Variants in DSCAM observed in about 807,000 individuals in gnomAD.
DSCAM encodes the protein cell adhesion molecule DSCAM.
In DSCAM, 47 loss-of-function variants were observed where a neutral mutation model predicts 217.7. That is an observed-to-expected ratio of 0.22 (90% confidence interval 0.17 to 0.28). The LOEUF is 0.28. Ranked by LOEUF, DSCAM falls within the 10% of genes least tolerant of loss-of-function variation. The pLI is 1.00. For synonymous variants in DSCAM, 1,056 were observed against 1,015.3 expected (o/e 1.04, Z -0.76); for missense variants, 2,080 against 2,618.3 (o/e 0.79, Z 4.49).
At chr21:40,157,805 C>T (rs2090495860) in intron 16 of DSCAM, among the ~76,000 whole-genome samples, 1 of 152,054 alleles carries the variant, frequency 6.6e-6, no homozygotes, top group South Asian at 2.1e-4. Context: ...AGTGATTCTC[C>T]CACTTCAGCC....
chr21:40,018,051 T>A (rs191625005), intron 32 of DSCAM, among the ~76,000 whole-genome samples: 1 of 152,352 alleles, frequency 6.6e-6, no homozygotes, highest in East Asian at 1.9e-4. Flanking sequence ...TTTTTAAAAC[T>A]TTATGAAACT....
At chr21:40,442,935 T>C (rs2145916537) in intron 3 of DSCAM, among the ~76,000 whole-genome samples, 1 of 152,334 alleles carries the variant, frequency 6.6e-6, no homozygotes, top group Middle Eastern at 3.4e-3. Context: ...TGTGTATGCA[T>C]GTGTGGATGG....
intron 3 of DSCAM, among the ~76,000 whole-genome samples, chr21:40,489,638 A>G (rs956952483): frequency 6.0e-5 from 9 of 150,066 alleles, no homozygotes; most frequent in Non-Finnish European, 8.9e-5. Flanking sequence ...AGCCGGGCGT[A>G]GTGGCAGGCG....
At chr21:40,077,475 C>T (rs1214794810) in intron 26 of DSCAM, among the ~76,000 whole-genome samples, 2 of 152,178 alleles carry the variant, frequency 1.3e-5, no homozygotes, top group East Asian at 1.9e-4. Context: ...TCTGTGGGTC[C>T]TTAGGTTCAC....
chr21:40,216,680 C>T (rs2091246478), intron 11 of DSCAM, among the ~76,000 whole-genome samples: 1 of 152,186 alleles, frequency 6.6e-6, no homozygotes, highest in African/African-American at 2.4e-5. Flanking sequence ...CATCATAGAG[C>T]AGATTTTGCA....
At position 40,140,005 on chromosome 21, in the gene DSCAM, T is replaced by C. The variant is rs539396251; in HGVS notation, c.3406+2553A>G. On this transcript the variant is annotated intron_variant, in intron 18 of 32. Coordinates refer to ENST00000400454, the MANE Select transcript of DSCAM (RefSeq NM_001389.5). ...TGGTGTGTGGTGTATGTGGGGTGCA[T>C]GTATGTGTGGTGTGTGCGCACGTGT... Among the ~76,000 whole-genome samples the C allele has an allele frequency of 1.1e-3, 172 of 151,526 alleles. 1 individual carries two copies. The highest frequency in any genetic ancestry group is 1.6e-3 in the Non-Finnish European group (110 of 67,796).
Position 40,244,378 on chromosome 21 carries a change from GAGA to G in DSCAM, c.2356+31716_2356+31718del, listed in dbSNP as rs371664500. 9.3e-5 allele frequency among the ~76,000 whole-genome samples: 14 copies of G among 151,340 alleles called. No homozygotes were observed. The South Asian group carries it at 2.9e-3, about 32-fold the overall frequency. On this transcript the variant is annotated intron_variant, in intron 11 of 32. Coordinates refer to ENST00000400454, the MANE Select transcript of DSCAM (RefSeq NM_001389.5). ...AGGCAGGAGAATCGCTTGAACCCAG[GAGA>G]AGGAGGTTTCAGTGAGCCCAGATTG... is the stretch of plus-strand genomic sequence containing the variant.
At chr21:40,305,932 T>C (rs1229794644) in intron 9 of DSCAM, among the ~76,000 whole-genome samples, 1 of 152,192 alleles carries the variant, frequency 6.6e-6, no homozygotes, top group East Asian at 1.9e-4. Context: ...CGGGCTCTTT[T>C]TTTGTGCCAC....
intron 1 of DSCAM, among the ~76,000 whole-genome samples, chr21:40,715,730 C>T (rs1026348705): frequency 2.0e-5 from 3 of 152,156 alleles, no homozygotes; most frequent in South Asian, 4.1e-4. Flanking sequence ...ACTGACATTA[C>T]CCCAAACATA....
At chr21:40,365,942 C>CT (rs147039472) in intron 4 of DSCAM, among the ~76,000 whole-genome samples, 13,375 of 151,406 alleles carry the variant, frequency 0.088, 711 homozygotes, top group East Asian at 0.22. Context: ...ATTTTACTGA[C>CT]TTTTTTTTTA....
rs2073685246 is a variant in DSCAM at position 40,276,227 on chromosome 21, T to C, written c.2226A>G (p.Arg742=). 6.2e-7 allele frequency: 1 copy of C among 1,612,338 alleles called. No individual in the cohort carries two copies. The highest frequency in any genetic ancestry group is 8.5e-7 in the Non-Finnish European group (1 of 1,179,392). The stretch of plus-strand genomic sequence containing the variant: ...ACGACCCATTGCTGAGAACTTGGAT[T>C]CGGCCATTTAGGGCAATTGGCTGGA... ...PQFQPIALNG[R]IQVLSNGSLL... Residue 742 remains arginine, a synonymous_variant, in exon 11 of 33, where the codon CGA becomes CGG. Coordinates refer to ENST00000400454, the MANE Select transcript of DSCAM (RefSeq NM_001389.5).
chr21:40,791,528 G>A (rs9982423), intron 1 of DSCAM, among the ~76,000 whole-genome samples: 68,402 of 151,594 alleles, frequency 0.45, 17,326 homozygotes, highest in South Asian at 0.65. Flanking sequence ...GCTGGCGGGC[G>A]CCTGTAGTCC....
intron 3 of DSCAM, among the ~76,000 whole-genome samples, chr21:40,373,093 C>T (rs1007044612): frequency 6.6e-6 from 1 of 152,194 alleles, no homozygotes; most frequent in African/African-American, 2.4e-5. Flanking sequence ...ACTCATAGAG[C>T]AGTGGGTTCT....
At chr21:40,117,592 G>A (rs1316207774) in intron 20 of DSCAM, among the ~76,000 whole-genome samples, 1 of 152,170 alleles carries the variant, frequency 6.6e-6, no homozygotes, top group Non-Finnish European at 1.5e-5. Context: ...TTTTAAAAAT[G>A]TGAGTCATAG....
At chr21:40,728,381 T>C (rs1382198907) in intron 1 of DSCAM, among the ~76,000 whole-genome samples, 2 of 152,168 alleles carry the variant, frequency 1.3e-5, no homozygotes, top group Non-Finnish European at 2.9e-5. Flanking sequence ...CTCAGTGACA[T>C]ATAGTGTTTT....
intron 3 of DSCAM, among the ~76,000 whole-genome samples, chr21:40,647,652 A>AC (rs1431469941): frequency 3.9e-5 from 6 of 152,214 alleles, no homozygotes; most frequent in Admixed American, 3.9e-4. Flanking sequence ...TAGGATAAAA[A>AC]CTATATATTA....
chr21:40,517,442 C>T (rs1012778247), intron 3 of DSCAM, among the ~76,000 whole-genome samples: 36 of 150,268 alleles, frequency 2.4e-4, no homozygotes, highest in Admixed American at 1.5e-3. Context: ...CACACAGACA[C>T]GCATATTTTC....
At chr21:40,457,465 T>C (rs548663092) in intron 3 of DSCAM, among the ~76,000 whole-genome samples, 237 of 151,994 alleles carry the variant, frequency 1.6e-3, no homozygotes, top group Non-Finnish European at 2.6e-3. Flanking sequence ...TGAGCCACAG[T>C]TGCACCACGG....
intron 3 of DSCAM, among the ~76,000 whole-genome samples, chr21:40,646,513 C>T (rs755267055): frequency 3.3e-5 from 5 of 152,034 alleles, no homozygotes; most frequent in Admixed American, 6.5e-5. Flanking sequence ...TGGAGTCCAT[C>T]GTGTTGCCCA....
Sources: gnomAD v4.1 joint callset for allele counts (sites outside exome capture counted in the v4.1 genomes callset) on GRCh38, gnomAD v4.1.1 for gene constraint, MANE v1.5 for transcripts, NCBI Gene and HGNC (gene_info 2026-07-23, HGNC 2026-07-21) for gene names.